Variants in CHD9 observed in about 807,000 individuals in gnomAD.
The protein encoded by CHD9 is ATP-dependent chromatin remodeler CHD9.
A neutral mutation model predicts 316.1 loss-of-function variants in CHD9; 77 were observed. The observed-to-expected ratio is 0.24, with a 90% CI of 0.20 to 0.29. CHD9 has a LOEUF of 0.29. CHD9 is among the 10% of genes least tolerant of loss of function. The pLI, the probability that CHD9 is intolerant of heterozygous loss-of-function variation, is 1.00. For synonymous variants in CHD9, 1,129 were observed against 1,158.3 expected, an observed-to-expected ratio of 0.97 and a Z score of 0.51; for missense variants, 2,763 against 3,438.1, an observed-to-expected ratio of 0.80 and a Z score of 4.91.
chr16:53,325,064 A>G lies in CHD9; in HGVS notation c.*169A>G, dbSNP rs2057494733. Reference sequence around the variant, plus strand: ...AGACTTTTTGCATGTAATATTTCTTAAGATTCATAAGTTTCTGAACTCGTA... The same window carrying G: ...AGACTTTTTGCATGTAATATTTCTTGAGATTCATAAGTTTCTGAACTCGTA... On this transcript the variant is annotated 3_prime_UTR_variant, in exon 39 of 39. Transcript: ENST00000447540. The G allele has an allele frequency of 1.8e-6, 1 of 554,454 alleles. No homozygotes were observed. The allele number at this position is 554,454 out of a possible 1,614,324, so 34.3% of individuals were successfully genotyped here.
At chr16:53,065,415 C>T (rs1258709308) in intron 1 of CHD9, among the ~76,000 whole-genome samples, 1 of 152,004 alleles carries the variant, frequency 6.6e-6, no homozygotes, top group Admixed American at 6.6e-5. Context: ...AGAAGGATTG[C>T]TTGAGCCCAG....
chr16:53,286,050 T>C (rs2053844902), intron 25 of CHD9, among the ~76,000 whole-genome samples, 176 bp from the exon 26 acceptor site: 1 of 152,248 alleles, frequency 6.6e-6, no homozygotes, highest in African/African-American at 2.4e-5. Context: ...AGATATCTAT[T>C]ACCAGATCAT....
At chr16:53,166,506 C>T (rs757044292) in intron 2 of CHD9, among the ~76,000 whole-genome samples, 20 of 152,082 alleles carry the variant, frequency 1.3e-4, no homozygotes, top group Non-Finnish European at 2.5e-4. Context: ...ACTACTCAGT[C>T]ACTTATTTAT....
Position 53,143,826 on chromosome 16 carries a change from TC to T in CHD9, c.-164-12099del, listed in dbSNP as rs2040345343. Among the ~76,000 whole-genome samples, 4 of 152,340 alleles carry T rather than the reference TC, an allele frequency of 2.6e-5. No individual in the cohort carries two copies. The South Asian group carries it at 8.3e-4, about 32-fold the overall frequency. ...TTTAGTTTCTCATTTTTGCTGGGAC[TC>T]ATGCTGTTACATGTTAAGGTCATAT... On this transcript the variant is annotated intron_variant, in intron 1 of 38. Coordinates refer to ENST00000447540, the MANE Select transcript of CHD9 (RefSeq NM_001308319.2).
rs915007575 is a variant in CHD9 at position 53,300,971 on chromosome 16, G to A, written c.5714-2749G>A. Reference sequence around the variant, plus strand: ...ACCCATAATCCCAGCTATTCAGAAGGTCGAGGCACGAGAATCACTTGAGCC... The same window carrying A: ...ACCCATAATCCCAGCTATTCAGAAGATCGAGGCACGAGAATCACTTGAGCC... On this transcript the variant is annotated intron_variant, in intron 30 of 38. Transcript: ENST00000447540. Among the ~76,000 whole-genome samples, 3 of 152,242 alleles carry A rather than the reference G, an allele frequency of 2.0e-5. No individual in the cohort carries two copies. In the East Asian group the frequency reaches 5.8e-4, roughly 29 times the overall value.
chr16:53,197,172 C>G (rs1049738352), intron 2 of CHD9, among the ~76,000 whole-genome samples: 1 of 152,262 alleles, frequency 6.6e-6, no homozygotes, highest in South Asian at 2.1e-4. Context: ...TTGGCTAAGA[C>G]TCCTTCATTT....
chr16:53,075,337 G>A (rs2034432471), intron 1 of CHD9, among the ~76,000 whole-genome samples: 1 of 152,146 alleles, frequency 6.6e-6, no homozygotes, highest in Non-Finnish European at 1.5e-5. Context: ...TGGACTTTGG[G>A]GTTAATGCTG....
chr16:53,266,632 T>C (rs564674442), intron 20 of CHD9, among the ~76,000 whole-genome samples: 1 of 152,360 alleles, frequency 6.6e-6, no homozygotes, highest in African/African-American at 2.4e-5. Flanking sequence ...ACTAAAACTT[T>C]GGATTCCTTA....
chr16:53,307,669 A>C lies in CHD9; in HGVS notation c.6781-12A>C. ...TATTAAAATTACACTTTGATGTTGC[A>C]CGCTTTTCTAGGATCGTGTGATGAT... On this transcript the variant is annotated splice_polypyrimidine_tract_variant and intron_variant, in intron 32 of 38. Coordinates refer to ENST00000447540, the MANE Select transcript of CHD9 (RefSeq NM_001308319.2). The C allele has an allele frequency of 6.3e-7, 1 of 1,587,054 alleles. No homozygotes were observed. Among genetic ancestry groups the C allele is most frequent in the Non-Finnish European group, 8.6e-7 (1 of 1,165,610 alleles).
At chr16:53,080,669 A>G (rs968052544) in intron 1 of CHD9, among the ~76,000 whole-genome samples, 2 of 152,180 alleles carry the variant, frequency 1.3e-5, no homozygotes, top group African/African-American at 4.8e-5. Context: ...CGTAGTAAAT[A>G]CCGTGACTCT....
At chr16:53,323,648 G>C (rs1197458086) in intron 38 of CHD9, among the ~76,000 whole-genome samples, 1 of 152,132 alleles carries the variant, frequency 6.6e-6, no homozygotes, top group African/African-American at 2.4e-5. Flanking sequence ...CAATTAGAAG[G>C]GAGCCACTTC....
chr16:53,314,299 A>C, intron 34 of CHD9, 78 bp from the exon 35 acceptor site: 1 of 1,024,856 alleles, frequency 9.8e-7, no homozygotes, highest in Non-Finnish European at 1.4e-6. Context: ...ACACTTTCAT[A>C]TATTTAGGAA....
chr16:53,215,297 A>G (rs184904711), intron 3 of CHD9, among the ~76,000 whole-genome samples: 146 of 152,318 alleles, frequency 9.6e-4, no homozygotes, highest in Non-Finnish European at 6.8e-4. Context: ...TTGGATCCTT[A>G]TTTCTTACTT....
At chr16:53,311,201 G>A (rs1009450613) in intron 34 of CHD9, 11 of 150,276 alleles carry the variant, frequency 7.3e-5, no homozygotes, top group East Asian at 1.9e-4. Flanking sequence ...ATTGTAACAC[G>A]ACTTTTGCAG....
At position 53,106,655 on chromosome 16, in the gene CHD9, C is replaced by CAT. The variant is rs376495272; in HGVS notation, c.-164-49269_-164-49268dup. On this transcript the variant is annotated intron_variant, in intron 1 of 38. Transcript: ENST00000447540. ...GATGCAACTGCCTCAGACACACATA[C>CAT]ATACACACACACACACACACACACA... 4.3e-4 allele frequency among the ~76,000 whole-genome samples: 35 copies of CAT among 81,740 alleles called. 1 individual carries two copies. The South Asian group carries it at 6.8e-3, about 16-fold the overall frequency. 53.6% of individuals were successfully genotyped at this position (81,740 alleles called of 152,430 possible).
At chr16:53,252,065 T>C (rs1482095632) in intron 17 of CHD9, among the ~76,000 whole-genome samples, 2 of 152,074 alleles carry the variant, frequency 1.3e-5, no homozygotes, top group Admixed American at 1.3e-4. Context: ...AAAATTCATA[T>C]AGAACCAAAA....
chr16:53,107,470 A>AAAATG (rs2037451153), intron 1 of CHD9, among the ~76,000 whole-genome samples: 1 of 144,410 alleles, frequency 6.9e-6, no homozygotes, highest in Non-Finnish European at 1.5e-5. Flanking sequence ...AAAATAAAAT[A>AAAATG]AAATAAAATA....
chr16:53,100,185 C>T (rs1241614477), intron 1 of CHD9, among the ~76,000 whole-genome samples: 2 of 152,138 alleles, frequency 1.3e-5, no homozygotes, highest in Non-Finnish European at 2.9e-5. Flanking sequence ...GAATGTGAGC[C>T]GAAGAAAACT....
At position 53,254,824 on chromosome 16, in the gene CHD9, G is replaced by A. The variant is rs1448356448; in HGVS notation, c.4029+219G>A. 2.0e-5 allele frequency among the ~76,000 whole-genome samples: 3 copies of A among 152,172 alleles called. No homozygotes were observed. In the East Asian group the frequency reaches 5.8e-4, roughly 29 times the overall value. On this transcript the variant is annotated intron_variant, in intron 18 of 38. Coordinates refer to ENST00000447540, the MANE Select transcript of CHD9 (RefSeq NM_001308319.2). ...TTATGAATTCTAAATGTATTTTCAA[G>A]ATAGAAATTCTTTGCTCTCTTTTTA...
Sources: allele counts gnomAD v4.1 joint callset (sites outside exome capture counted in the v4.1 genomes callset), GRCh38; gene constraint gnomAD v4.1.1; transcripts MANE v1.5; gene names NCBI Gene and HGNC (gene_info 2026-07-23, HGNC 2026-07-21).